LAMB4: variants seen among roughly 807,000 people sequenced by gnomAD.
LAMB4 encodes laminin subunit beta 4, also known as laminin subunit beta-4.
LAMB4 carries 196 observed loss-of-function variants against 199.2 expected under a neutral mutation model. The observed-to-expected ratio is 0.98, with a 90% CI of 0.88 to 1.11. The LOEUF (loss-of-function observed/expected upper bound fraction) is 1.11. Ranked by LOEUF, LAMB4 falls within the 50% of genes least tolerant of loss-of-function variation. The pLI, the probability that LAMB4 is intolerant of heterozygous loss-of-function variation, is 0.00. For synonymous variants in LAMB4, 744 were observed against 770.6 expected, an observed-to-expected ratio of 0.97 and a Z score of 0.57; for missense variants, 2,080 against 2,171.2, an observed-to-expected ratio of 0.96 and a Z score of 0.83.
At position 108,043,697 on chromosome 7, in the gene LAMB4, T is replaced by C. The variant is rs550791116; in HGVS notation, c.4471+55A>G. Reference sequence around the variant, plus strand: ...TGGGTTCACGTATGATGTTTGACTATACATTAAAAAGGGAAAAAAACAAAA... The same window carrying C: ...TGGGTTCACGTATGATGTTTGACTACACATTAAAAAGGGAAAAAAACAAAA... On this transcript the variant is annotated intron_variant, in intron 29 of 33. Coordinates refer to ENST00000388781, the MANE Select transcript of LAMB4 (RefSeq NM_007356.3). The C allele has an allele frequency of 7.2e-5, 83 of 1,158,644 alleles. No individual in the cohort carries two copies. The South Asian group carries it at 1.2e-3, about 17-fold the overall frequency. 71.8% of individuals were successfully genotyped at this position (1,158,644 alleles called of 1,614,324 possible).
chr7:108,030,042 A>C (rs2034975012), intron 32 of LAMB4, among the ~76,000 whole-genome samples: 1 of 151,244 alleles, frequency 6.6e-6, no homozygotes, highest in Non-Finnish European at 1.5e-5. Context: ...TGCTTGAACC[A>C]GGGGGTCAGA....
chr7:108,084,784 CTTTT>C (rs745640979), intron 14 of LAMB4, among the ~76,000 whole-genome samples: 53 of 96,528 alleles, frequency 5.5e-4, no homozygotes, highest in African/African-American at 1.6e-3. Flanking sequence ...CCAAGGAATC[CTTTT>C]TTTTTTTTTT....
chr7:108,043,545 G>GTTTTTTTTTTTTTTTTTTTTTTTTTTT (rs748169558), intron 29 of LAMB4, among the ~76,000 whole-genome samples: 1 of 56,000 alleles, frequency 1.8e-5, no homozygotes, highest in Non-Finnish European at 2.9e-5. Flanking sequence ...TGGCTATGAT[G>GTTTTTTTTTTTTTTTTTTTTTTTTTTT]TTTTTTTTTT....
intron 1 of LAMB4, among the ~76,000 whole-genome samples, chr7:108,125,408 A>T (rs1274705393): frequency 6.6e-6 from 1 of 152,210 alleles, no homozygotes; most frequent in Non-Finnish European, 1.5e-5. Context: ...GATTGGCATT[A>T]TGGGCATTTA....
At chr7:108,035,114 G>A (rs1021511314) in intron 30 of LAMB4, among the ~76,000 whole-genome samples, 1 of 152,066 alleles carries the variant, frequency 6.6e-6, no homozygotes, top group Non-Finnish European at 1.5e-5. Context: ...ACCTTCAGGA[G>A]CCTTCCCTCC....
intron 2 of LAMB4, among the ~76,000 whole-genome samples, chr7:108,116,823 A>G (rs61033621): frequency 0.13 from 19,392 of 152,210 alleles, 3,997 homozygotes; most frequent in African/African-American, 0.43. Context: ...GCGTGAGGCC[A>G]GGAGCTCAAG....
the LAMB4 span, among the ~76,000 whole-genome samples, chr7:108,015,863 C>T: frequency 6.6e-6 from 1 of 151,484 alleles, no homozygotes; most frequent in Non-Finnish European, 1.5e-5. Context: ...CATGCTAGTC[C>T]CCCCAGATTA....
downstream of LAMB4, among the ~76,000 whole-genome samples, chr7:108,019,602 T>G (rs1192479459): frequency 6.6e-6 from 1 of 152,050 alleles, no homozygotes; most frequent in East Asian, 1.9e-4. Flanking sequence ...CACACAACAT[T>G]GACACTCATC....
chr7:108,041,427 C>G (rs565694092), intron 29 of LAMB4, among the ~76,000 whole-genome samples: 1 of 152,240 alleles, frequency 6.6e-6, no homozygotes, highest in South Asian at 2.1e-4. Flanking sequence ...ATCATTCTAT[C>G]ATAAAGACAC....
chr7:108,037,673 G>T, intron 29 of LAMB4, 78 bp from the exon 30 acceptor site: 2 of 1,090,618 alleles, frequency 1.8e-6, no homozygotes, highest in Non-Finnish European at 2.8e-6. Context: ...CCACAATGAT[G>T]TCTCAGCCAA....
At chr7:108,018,659 C>T (rs181222713), downstream of LAMB4, among the ~76,000 whole-genome samples, 110 of 152,160 alleles carry the variant, frequency 7.2e-4, no homozygotes, top group East Asian at 0.019. Flanking sequence ...GAGCTGAGAT[C>T]GCGCCACTGC....
chr7:108,091,098 CT>C (rs34553199), intron 14 of LAMB4, among the ~76,000 whole-genome samples: 4 of 149,464 alleles, frequency 2.7e-5, no homozygotes, highest in African/African-American at 7.4e-5. Flanking sequence ...CTCGAATTAC[CT>C]TTTTTTTTTG....
chr7:108,103,686 A>C (rs1445038286), intron 9 of LAMB4, among the ~76,000 whole-genome samples: 3 of 152,240 alleles, frequency 2.0e-5, no homozygotes, highest in African/African-American at 7.2e-5. Context: ...GAGAGCTGCA[A>C]GGGCTGCGGT....
At position 108,049,314 on chromosome 7, in the gene LAMB4, A is replaced by G. The variant is rs377728230; in HGVS notation, c.4122+12T>C. The G allele has an allele frequency of 2.1e-6, 3 of 1,414,842 alleles. No homozygotes were observed. The highest frequency in any genetic ancestry group is 2.9e-5 in the African/African-American group (2 of 68,560). The allele number at this position is 1,414,842 out of a possible 1,614,324, so 87.6% of individuals were successfully genotyped here. On this transcript the variant is annotated intron_variant, in intron 27 of 33. Transcript: ENST00000388781. ...CCACAAATGCTTTGACCTTACCATCATGAATATTTACCTTTTCATTCAATA... is the reference window on the plus strand; with the variant it reads ...CCACAAATGCTTTGACCTTACCATCGTGAATATTTACCTTTTCATTCAATA...
chr7:108,024,148 A>G lies in LAMB4; in HGVS notation c.5177T>C (p.Leu1726Pro). The change falls in exon 34 of 34, where the codon CTA becomes CCA. Residue 1726 changes from leucine (L) to proline (P), a missense_variant. Coordinates refer to ENST00000388781, the MANE Select transcript of LAMB4 (RefSeq NM_007356.3). Reference sequence around the variant, plus strand: ...TTGATCAGCTTTTGCTTGTCTACTTAGATTCAAATCTTGGATTTTCCTTTC... The same window carrying G: ...TTGATCAGCTTTTGCTTGTCTACTTGGATTCAAATCTTGGATTTTCCTTTC... ...DLERKIQDLN[L>P]SRQAKADQLR... 2.5e-6 allele frequency: 4 copies of G among 1,580,030 alleles called. No individual in the cohort carries two copies. Among genetic ancestry groups the G allele is most frequent in the Non-Finnish European group, 3.4e-6 (4 of 1,160,538 alleles).
intron 29 of LAMB4, among the ~76,000 whole-genome samples, 182 bp downstream of exon 29, chr7:108,043,570 T>G (rs2035504908): frequency 2.4e-4 from 10 of 41,670 alleles, no homozygotes; most frequent in African/African-American, 4.9e-4. Flanking sequence ...TTTTTTTTTT[T>G]TTTTTTTTTT....
At chr7:108,067,582 GAA>G (rs1464132738) in intron 19 of LAMB4, among the ~76,000 whole-genome samples, 2 of 152,208 alleles carry the variant, frequency 1.3e-5, no homozygotes, top group Non-Finnish European at 2.9e-5. Flanking sequence ...CTCATTGGGA[GAA>G]GTCTTGTCTG....
chr7:108,052,653 C>G (rs2035862198), intron 25 of LAMB4, among the ~76,000 whole-genome samples: 2 of 152,156 alleles, frequency 1.3e-5, no homozygotes, highest in Admixed American at 6.5e-5. Flanking sequence ...GTTTACTTAG[C>G]CTGGGGTCAA....
intron 6 of LAMB4, 77 bp downstream of exon 6, chr7:108,107,554 A>G (rs2038066883): frequency 1.2e-5 from 14 of 1,189,544 alleles, no homozygotes; most frequent in South Asian, 1.5e-5. Flanking sequence ...AACACTATCG[A>G]AAGTTTTTCA....
Sources: allele counts gnomAD v4.1 joint callset (sites outside exome capture counted in the v4.1 genomes callset), GRCh38; gene constraint gnomAD v4.1.1; transcripts MANE v1.5; gene names NCBI Gene and HGNC (gene_info 2026-07-23, HGNC 2026-07-21).